The following GRID1 variants were observed in gnomAD, a reference collection of about 807,000 sequenced individuals.
GRID1 encodes glutamate ionotropic receptor delta type subunit 1.
GRID1 carries 28 observed loss-of-function variants against 98.0 expected under a neutral mutation model. That is an observed-to-expected ratio of 0.29 (90% CI 0.21 to 0.39). The LOEUF (loss-of-function observed/expected upper bound fraction) is 0.39, where lower values mean the gene tolerates loss of function less well. Among genes scored for constraint, GRID1 ranks in the 10% least tolerant of loss-of-function variants. GRID1 has a pLI of 1.00. For missense variants in GRID1, 1,111 were observed against 1,340.5 expected (o/e 0.83, Z 2.67); for synonymous variants, 553 against 538.5 (o/e 1.03, Z -0.37).
intron 4 of GRID1, among the ~76,000 whole-genome samples, chr10:85,932,016 C>G (rs753154960): frequency 2.6e-5 from 4 of 152,202 alleles, no homozygotes; most frequent in Non-Finnish European, 5.9e-5. Context: ...AAAGGTTCTA[C>G]TATCGAACAT....
intron 3 of GRID1, among the ~76,000 whole-genome samples, chr10:86,170,691 G>A (rs1296753419): frequency 6.6e-6 from 1 of 152,124 alleles, no homozygotes; most frequent in Non-Finnish European, 1.5e-5. Flanking sequence ...ACACACACGT[G>A]CGCATGCACT....
intron 2 of GRID1, among the ~76,000 whole-genome samples, chr10:86,254,763 C>A (rs545618960): frequency 8.4e-4 from 128 of 152,330 alleles, no homozygotes; most frequent in African/African-American, 3.0e-3. Context: ...CTGTCAGATG[C>A]CCAGCAGCTC....
intron 3 of GRID1, among the ~76,000 whole-genome samples, chr10:86,178,345 C>G (rs1845607080): frequency 6.6e-6 from 1 of 152,152 alleles, no homozygotes; most frequent in Admixed American, 6.5e-5. Flanking sequence ...TATTTGCACA[C>G]AAAAGCGGGA....
rs567084596 is a variant in GRID1 at position 85,650,541 on chromosome 10, G to A, written c.1998-3144C>T. On this transcript the variant is annotated intron_variant, in intron 12 of 15. Coordinates refer to ENST00000327946, the MANE Select transcript of GRID1 (RefSeq NM_017551.3). ...GTGCACACCAAGCAAGGAATACATG[G>A]CAGGCATCATCAAGGGGCGAGTGAT... Among the ~76,000 whole-genome samples the A allele has an allele frequency of 3.9e-4, 59 of 152,298 alleles. 1 individual carries two copies. The South Asian group carries it at 8.3e-3, about 21-fold the overall frequency.
At chr10:86,268,600 G>T (rs1307347837) in intron 2 of GRID1, among the ~76,000 whole-genome samples, 2 of 152,224 alleles carry the variant, frequency 1.3e-5, no homozygotes, top group Non-Finnish European at 2.9e-5. Context: ...AACACCATTT[G>T]CTGGCTTTCT....
chr10:85,701,188 C>T (rs1056902659), intron 12 of GRID1, among the ~76,000 whole-genome samples: 1 of 152,088 alleles, frequency 6.6e-6, no homozygotes, highest in African/African-American at 2.4e-5. Context: ...ATTCTTCTCA[C>T]TTTGAAAATG....
chr10:86,160,512 G>A (rs1447647523), intron 3 of GRID1, among the ~76,000 whole-genome samples: 1 of 152,192 alleles, frequency 6.6e-6, no homozygotes, highest in Non-Finnish European at 1.5e-5. Flanking sequence ...GGAAGAAGGA[G>A]GCATGGTCAA....
At chr10:86,142,027 G>A (rs955770120) in intron 3 of GRID1, among the ~76,000 whole-genome samples, 1 of 152,364 alleles carries the variant, frequency 6.6e-6, no homozygotes, top group South Asian at 2.1e-4. Context: ...GCAAACAGAG[G>A]TTGAAAAAGT....
intron 4 of GRID1, among the ~76,000 whole-genome samples, chr10:86,077,733 C>A (rs1237565349): frequency 6.6e-6 from 1 of 152,176 alleles, no homozygotes; most frequent in Non-Finnish European, 1.5e-5. Flanking sequence ...CCTCTGAGAA[C>A]CTATATTGGG....
chr10:85,647,478 T>G (rs1843210800), intron 12 of GRID1, 81 bp from the exon 13 acceptor site: 1 of 1,083,398 alleles, frequency 9.2e-7, no homozygotes, highest in African/African-American at 1.6e-5. Context: ...TGCAAGGCCC[T>G]TCTGAACTCC....
intron 12 of GRID1, among the ~76,000 whole-genome samples, chr10:85,655,497 T>C (rs1437369714): frequency 6.6e-6 from 1 of 152,234 alleles, no homozygotes; most frequent in Non-Finnish European, 1.5e-5. Flanking sequence ...GAACTCTGTT[T>C]CAAAACAATT....
At chr10:86,234,384 C>A (rs373929508) in intron 2 of GRID1, among the ~76,000 whole-genome samples, 3 of 152,188 alleles carry the variant, frequency 2.0e-5, no homozygotes, top group Non-Finnish European at 4.4e-5. Context: ...AGAATGAAAG[C>A]CAAACAACGG....
intron 2 of GRID1, among the ~76,000 whole-genome samples, chr10:86,285,669 G>A (rs961542218): frequency 5.9e-5 from 9 of 152,164 alleles, no homozygotes; most frequent in African/African-American, 1.7e-4. Flanking sequence ...AGATGAGGGC[G>A]CAGCTGTAGG....
chr10:85,681,689 CCACCTTCAGCCCACG>C (rs1430398294), intron 12 of GRID1, among the ~76,000 whole-genome samples: 1 of 152,172 alleles, frequency 6.6e-6, no homozygotes, highest in Non-Finnish European at 1.5e-5. Flanking sequence ...TCCCTCCACA[CCACCTTCAGCCCACG>C]CACCTGACAC....
At chr10:86,220,501 C>T (rs1846237196) in intron 2 of GRID1, among the ~76,000 whole-genome samples, 1 of 152,206 alleles carries the variant, frequency 6.6e-6, no homozygotes, top group Admixed American at 6.5e-5. Flanking sequence ...TAACTTACCA[C>T]CCACTGCAAG....
chr10:86,055,552 G>C (rs763343460), intron 4 of GRID1, among the ~76,000 whole-genome samples: 8 of 152,116 alleles, frequency 5.3e-5, no homozygotes, highest in Admixed American at 1.3e-4. Flanking sequence ...AGACCAGCCT[G>C]GCCAACATGG....
chr10:85,861,362 G>A (rs569746726), intron 6 of GRID1, among the ~76,000 whole-genome samples: 5 of 152,300 alleles, frequency 3.3e-5, no homozygotes, highest in South Asian at 4.1e-4. Flanking sequence ...CCTCCTCCAG[G>A]CCCCAGCAGC....
At chr10:85,637,176 C>A (rs1008197220) in intron 13 of GRID1, among the ~76,000 whole-genome samples, 1 of 152,008 alleles carries the variant, frequency 6.6e-6, no homozygotes, top group East Asian at 1.9e-4. Flanking sequence ...TTATATAAAA[C>A]GTTTGTAGAA....
chr10:86,074,943 C>T (rs1589362258), intron 4 of GRID1, among the ~76,000 whole-genome samples: 2 of 152,308 alleles, frequency 1.3e-5, no homozygotes, highest in East Asian at 3.9e-4. Context: ...AAATGAAGTG[C>T]ATAATGTGTG....
Sources: gnomAD v4.1 joint callset for allele counts (sites outside exome capture counted in the v4.1 genomes callset) on GRCh38, gnomAD v4.1.1 for gene constraint, MANE v1.5 for transcripts, NCBI Gene and HGNC (gene_info 2026-07-23, HGNC 2026-07-21) for gene names.